CAMK4: variants seen among roughly 807,000 people sequenced by gnomAD.
The protein encoded by CAMK4 is calcium/calmodulin-dependent protein kinase type IV.
In CAMK4, 22 loss-of-function variants were observed where a neutral mutation model predicts 44.9. The ratio of observed to expected loss-of-function variants is 0.49; its 90% CI spans 0.35 to 0.70. The LOEUF is 0.70. CAMK4 is among the 30% of genes least tolerant of loss of function. CAMK4 has a pLI of 0.01. For missense variants in CAMK4, 498 were observed against 586.8 expected, an observed-to-expected ratio of 0.85 and a Z score of 1.56; for synonymous variants, 218 against 215.4, an observed-to-expected ratio of 1.01 and a Z score of -0.11.
chr5:111,384,271 G>T (rs1751518855), intron 4 of CAMK4, among the ~76,000 whole-genome samples: 1 of 152,088 alleles, frequency 6.6e-6, no homozygotes, highest in Admixed American at 6.6e-5. Flanking sequence ...ATATATTACT[G>T]GCTTACTCCT....
intron 2 of CAMK4, among the ~76,000 whole-genome samples, chr5:111,349,301 A>G (rs867425694): frequency 6.6e-6 from 1 of 152,028 alleles, no homozygotes; most frequent in African/African-American, 2.4e-5. Context: ...TTTGTAAAGC[A>G]TGAATCAAGG....
At chr5:111,376,038 C>A (rs1751200707) in intron 3 of CAMK4, among the ~76,000 whole-genome samples, 1 of 152,018 alleles carries the variant, frequency 6.6e-6, no homozygotes, top group Admixed American at 6.6e-5. Context: ...GTGGCTAAGA[C>A]CATTCATGAT....
intron 1 of CAMK4, among the ~76,000 whole-genome samples, chr5:111,287,915 A>G (rs1376420822): frequency 6.6e-6 from 1 of 152,180 alleles, no homozygotes; most frequent in Non-Finnish European, 1.5e-5. Flanking sequence ...AGCACTCCAG[A>G]CGCCTCTGGC....
rs138727786 is a variant in CAMK4, at chr5:111,255,264, C to T, written c.161+30620C>T. Among the ~76,000 whole-genome samples the T allele has an allele frequency of 5.3e-5, 8 of 152,320 alleles. No individual in the cohort carries two copies. The East Asian group carries it at 1.5e-3, about 29-fold the overall frequency. On this transcript the variant is annotated intron_variant, in intron 1 of 10. Transcript: ENST00000282356. ...CTTTGGTCTGCCCATCCTGTGCCAT[C>T]ATCACTTCCATTGGATCTGCTCACT...
Position 111,482,729 on chromosome 5 carries a change from G to A in CAMK4, c.829-56G>A. 1.4e-6 allele frequency: 2 copies of A among 1,400,266 alleles called. No individual in the cohort carries two copies. Among genetic ancestry groups the A allele is most frequent in the East Asian group, 2.4e-5 (1 of 42,410 alleles). 86.7% of individuals were successfully genotyped at this position (1,400,266 alleles called of 1,614,324 possible). On this transcript the variant is annotated intron_variant, in intron 9 of 10. Coordinates refer to ENST00000282356, the MANE Select transcript of CAMK4 (RefSeq NM_001744.6). This position sits in a 1 kb window ranked among gnomAD's most constrained non-coding sequence, Gnocchi z 4.9. Reference sequence around the variant, plus strand: ...AGATCTGGAAGTTTGTAAGCTGAGGGCAAGCCCAGGTCATCCTAAAAACCT... The same window carrying A: ...AGATCTGGAAGTTTGTAAGCTGAGGACAAGCCCAGGTCATCCTAAAAACCT...
At chr5:111,352,666 A>AGG (rs1554063992) in intron 2 of CAMK4, among the ~76,000 whole-genome samples, 3 of 130,138 alleles carry the variant, frequency 2.3e-5, no homozygotes, top group Non-Finnish European at 4.9e-5. Flanking sequence ...AGAGAGAGGG[A>AGG]GAGGGAGGGA....
At chr5:111,427,242 T>C (rs1753259688) in intron 5 of CAMK4, among the ~76,000 whole-genome samples, 1 of 151,872 alleles carries the variant, frequency 6.6e-6, no homozygotes, top group South Asian at 2.1e-4. Context: ...CTAAACACAC[T>C]CTGGGCCAGA....
rs1377536407 is a variant in CAMK4, at chr5:111,241,647, G to A, written c.161+17003G>A. On this transcript the variant is annotated intron_variant, in intron 1 of 10. Transcript: ENST00000282356. ...AGAATATCTACATAAATTGCTTATC[G>A]TTCTGTAAGGAATATTTCTGAGGTA... Among the ~76,000 whole-genome samples, 3 of 152,034 alleles carry A rather than the reference G, an allele frequency of 2.0e-5. No homozygotes were observed. The East Asian group carries it at 5.8e-4, about 29-fold the overall frequency.
intron 4 of CAMK4, among the ~76,000 whole-genome samples, chr5:111,389,625 C>A (rs1398914867): frequency 6.6e-6 from 1 of 152,146 alleles, no homozygotes; most frequent in Non-Finnish European, 1.5e-5. Context: ...AAAAGTACTG[C>A]AAAGCAGCTG....
At chr5:111,362,543 G>A (rs1424244676) in intron 2 of CAMK4, among the ~76,000 whole-genome samples, 1 of 151,906 alleles carries the variant, frequency 6.6e-6, no homozygotes, top group African/African-American at 2.4e-5. Flanking sequence ...GATTAGTTGT[G>A]TTACAATGGT....
In CAMK4 at chr5:111,478,473, G is replaced by T. The variant is rs370296107; in HGVS notation, c.794G>T (p.Trp265Leu). Residue 265 changes from tryptophan to leucine, a missense_variant, in exon 9 of 11, where the codon TGG becomes TTG. Physicochemically the swap from Trp to Leu is moderately conservative, Grantham distance 61 (BLOSUM62 -2). Coordinates refer to ENST00000282356, the MANE Select transcript of CAMK4 (RefSeq NM_001744.6). ...TGTGAATATTACTTTATCTCCCCCT[G>T]GTGGGATGAAGTATCTCTAAATGCC... ...LNCEYYFISP[W>L]WDEVSLNAKD... 6.4e-7 allele frequency: 1 copy of T among 1,550,686 alleles called. No homozygotes were observed. The highest frequency in any genetic ancestry group is 8.9e-7 in the Non-Finnish European group (1 of 1,127,584).
chr5:111,378,222 A>T (rs1751286787), intron 4 of CAMK4, among the ~76,000 whole-genome samples: 1 of 152,082 alleles, frequency 6.6e-6, no homozygotes, highest in Admixed American at 6.6e-5. Context: ...GCCTTCTATG[A>T]GAAAGCGGGC....
chr5:111,432,196 T>C (rs954327142), intron 5 of CAMK4, among the ~76,000 whole-genome samples: 1 of 152,116 alleles, frequency 6.6e-6, no homozygotes, highest in African/African-American at 2.4e-5. Flanking sequence ...GATCCTATTA[T>C]TTGCAACAAG....
At chr5:111,256,038 C>G (rs1749730600) in intron 1 of CAMK4, among the ~76,000 whole-genome samples, 1 of 152,120 alleles carries the variant, frequency 6.6e-6, no homozygotes, top group Non-Finnish European at 1.5e-5. Flanking sequence ...TAATCGATCA[C>G]AGAATTCAAC....
intron 1 of CAMK4, among the ~76,000 whole-genome samples, chr5:111,343,784 T>C (rs1195822426): frequency 1.3e-5 from 2 of 151,718 alleles, no homozygotes; most frequent in Non-Finnish European, 2.9e-5. Flanking sequence ...ATGTTACTTG[T>C]ATAGGGATAA....
intron 1 of CAMK4, among the ~76,000 whole-genome samples, chr5:111,281,459 T>C (rs1721917708): frequency 6.6e-6 from 1 of 152,218 alleles, no homozygotes; most frequent in Non-Finnish European, 1.5e-5. Context: ...TAATCTATGG[T>C]ATACATAGTC....
intron 2 of CAMK4, among the ~76,000 whole-genome samples, chr5:111,347,902 A>G (rs1749934530): frequency 6.6e-6 from 1 of 152,054 alleles, no homozygotes; most frequent in Admixed American, 6.6e-5. Context: ...ATTCCATTCA[A>G]TATTTTATTT....
intron 1 of CAMK4, among the ~76,000 whole-genome samples, chr5:111,301,640 A>G (rs1447794881): frequency 6.6e-6 from 1 of 152,228 alleles, no homozygotes; most frequent in Non-Finnish European, 1.5e-5. Context: ...ACATAAAATA[A>G]TAAAATGAAT....
chr5:111,427,062 C>T (rs973394574), intron 5 of CAMK4, among the ~76,000 whole-genome samples: 4 of 152,080 alleles, frequency 2.6e-5, no homozygotes, highest in African/African-American at 9.7e-5. Context: ...TCCTCTAACC[C>T]CAGGCTTACA....
Sources: gnomAD v4.1 joint callset for allele counts (sites outside exome capture counted in the v4.1 genomes callset) on GRCh38, gnomAD v4.1.1 for gene constraint, Gnocchi (gnomAD v3.1) non-coding constraint, MANE v1.5 for transcripts, NCBI Gene and HGNC (gene_info 2026-07-23, HGNC 2026-07-21) for gene names.